RESP18: variants seen among roughly 807,000 people sequenced by gnomAD.
The protein encoded by RESP18 is regulated endocrine specific protein 18.
A neutral mutation model predicts 30.0 loss-of-function variants in RESP18; 30 were observed. That is an observed-to-expected ratio of 1.00 (90% CI 0.75 to 1.36). The LOEUF is 1.36. Ranked by LOEUF, RESP18 falls within the 40% of genes most tolerant of loss-of-function variation. The probability of loss-of-function intolerance (pLI) is 0.00; values close to 1 mark genes in which losing one functional copy is unlikely to be tolerated. For synonymous variants in RESP18, 117 were observed against 111.2 expected (o/e 1.05, Z -0.33); for missense variants, 320 against 284.2 (o/e 1.13, Z -0.91).
intron 6 of RESP18, among the ~76,000 whole-genome samples, chr2:219,328,548 G>A (rs1952796595): frequency 6.6e-6 from 1 of 152,246 alleles, no homozygotes; most frequent in Admixed American, 6.5e-5. Context: ...GGGGGAAAGA[G>A]CTGGAAATCA....
In RESP18 at chr2:219,329,170, G is replaced by A; in HGVS notation, c.548C>T (p.Pro183Leu). 6.4e-7 allele frequency: 1 copy of A among 1,551,478 alleles called. No individual in the cohort carries two copies. Among genetic ancestry groups the A allele is most frequent in the Non-Finnish European group, 8.7e-7 (1 of 1,146,800 alleles). The change falls in exon 5 of 7, where the codon CCT becomes CTT. Residue 183 changes from proline (P) to leucine (L), a missense_variant. Physicochemically the swap from Pro to Leu is moderately conservative, Grantham distance 98. Transcript: ENST00000333527. ...AAAAAGTGAGCCCCTCACCTTGACA[G>A]GGTTGGCCACCTCTTGTTTCAGGGC... is the stretch of plus-strand genomic sequence containing the variant.
In RESP18 at chr2:219,327,470, G is replaced by A. The variant is rs1418027806; in HGVS notation, c.*47C>T. On this transcript the variant is annotated 3_prime_UTR_variant, in exon 7 of 7. Transcript: ENST00000333527. The stretch of plus-strand genomic sequence containing the variant: ...CATCCAAGAACTGCTCCTCTGAAGG[G>A]CAATGGGAAGGGTGCTGGGGCAGGG... The A allele has an allele frequency of 4.0e-6, 6 of 1,512,342 alleles. No individual in the cohort carries two copies. Among genetic ancestry groups the A allele is most frequent in the Non-Finnish European group, 5.4e-6 (6 of 1,111,360 alleles). 93.7% of individuals were successfully genotyped at this position (1,512,342 alleles called of 1,614,324 possible).
intron 1 of RESP18, chr2:219,333,143 C>T: frequency 6.7e-7 from 1 of 1,500,322 alleles, no homozygotes; most frequent in East Asian, 2.5e-5. Context: ...TTATATATGG[C>T]ACATCCATCC....
intron 2 of RESP18, chr2:219,331,283 G>A (rs6710951): frequency 0.42 from 67,498 of 159,064 alleles, 19,755 homozygotes; most frequent in African/African-American, 0.84. Context: ...CATTAGAAAA[G>A]GTATTGGTTT....
In RESP18 at chr2:219,327,541, G is replaced by A; in HGVS notation, c.663C>T (p.Tyr221=). 1 of 1,551,672 alleles carries A rather than the reference G, an allele frequency of 6.4e-7. No individual in the cohort carries two copies. ...ATCAGCCACAGGGTTGCGGCCCACA[G>A]TAGGAAGTGGCCCAGAGAAGCCCTA... The change falls in exon 7 of 7, where the codon TAC becomes TAT. Residue 221 remains tyrosine (Y), a synonymous_variant. Transcript: ENST00000333527.
At chr2:219,330,723 C>T in intron 3 of RESP18, 48 bp downstream of exon 2, 2 of 1,231,208 alleles carry the variant, frequency 1.6e-6, no homozygotes, top group South Asian at 1.4e-5. Flanking sequence ...CTTCCCCCCT[C>T]CCCATCTCTA....
chr2:219,328,261 G>A (rs1952793262), intron 6 of RESP18, among the ~76,000 whole-genome samples: 1 of 152,206 alleles, frequency 6.6e-6, no homozygotes, highest in Non-Finnish European at 1.5e-5. Flanking sequence ...GAGCCCCTGT[G>A]TGGTCAGTCC....
chr2:219,332,508 C>T lies in RESP18; in HGVS notation c.232+16G>A. 6.5e-7 allele frequency: 1 copy of T among 1,546,742 alleles called. No homozygotes were observed. The highest frequency in any genetic ancestry group is 8.7e-7 in the Non-Finnish European group (1 of 1,144,114). ...CTTTCTTGGCCCTGCCCGCACCCCC[C>T]AGGGTTCCTCCTGACCGTGGGCACT... is the stretch of plus-strand genomic sequence containing the variant. On this transcript the variant is annotated intron_variant, in intron 2 of 6. Transcript: ENST00000333527.
intron 6 of RESP18, among the ~76,000 whole-genome samples, chr2:219,328,441 A>G (rs1323985967): frequency 3.2e-5 from 2 of 62,286 alleles, no homozygotes; most frequent in Admixed American, 1.4e-4. Flanking sequence ...TCTTAGTCCA[A>G]AAAAAAAAAA....
intron 3 of RESP18, among the ~76,000 whole-genome samples, chr2:219,330,511 T>C (rs1028581609): frequency 1.3e-5 from 2 of 149,954 alleles, no homozygotes; most frequent in African/African-American, 5.0e-5. Flanking sequence ...CTCAAGGAGT[T>C]GGATGCTGGC....
intron 2 of RESP18, 104 bp from the exon 2 acceptor site, chr2:219,330,979 C>G (rs1952824939): frequency 4.3e-6 from 3 of 701,544 alleles, no homozygotes; most frequent in Non-Finnish European, 7.7e-6. Flanking sequence ...GACCCCTGAC[C>G]TCTGTTCCCA....
At chr2:219,330,528 C>T (rs1422681030) in intron 3 of RESP18, among the ~76,000 whole-genome samples, 1 of 138,974 alleles carries the variant, frequency 7.2e-6, no homozygotes, top group East Asian at 2.0e-4. Flanking sequence ...TGGCCGTTTT[C>T]AGTTTTGTTT....
rs1341911884 is a variant in RESP18, at chr2:219,332,821, C to T, written c.18-83G>A. On this transcript the variant is annotated intron_variant, in intron 1 of 6. Transcript: ENST00000333527. ...GCCTCCCCAGCTCCTTCCCCTACCGCCTCCCCACCCTCATCTCTTGGAATT... is the reference window on the plus strand; with the variant it reads ...GCCTCCCCAGCTCCTTCCCCTACCGTCTCCCCACCCTCATCTCTTGGAATT... 21 of 1,075,316 alleles carry T rather than the reference C, an allele frequency of 2.0e-5. 1 individual carries two copies. The highest frequency in any genetic ancestry group is 5.5e-5 in the Admixed American group (2 of 36,354). 66.6% of individuals were successfully genotyped at this position (1,075,316 alleles called of 1,614,324 possible).
chr2:219,332,855 G>T, intron 1 of RESP18, 111 bp from the exon 1 acceptor site: 1 of 869,968 alleles, frequency 1.1e-6, no homozygotes, highest in Non-Finnish European at 1.7e-6. Context: ...TTCCTGACCC[G>T]GCTCCTTTCG....
intron 2 of RESP18, 142 bp downstream of exon 1, chr2:219,332,382 C>T (rs1448766392): frequency 3.1e-6 from 2 of 653,728 alleles, no homozygotes; most frequent in South Asian, 1.9e-5. Context: ...TTCCGCTAGA[C>T]GCTGTCTACC....
Position 219,332,527 on chromosome 2 carries a change from G to A in RESP18, c.229C>T (p.His77Tyr). ...ACCCCCCAGGGTTCCTCCTGACCGT[G>A]GGCACTAGTGTCGCTGCAGCCCCCC... Residue 77 changes from histidine to tyrosine, a missense_variant, in exon 2 of 7, where the codon CAC (histidine) becomes TAC (tyrosine). His to Tyr is a moderately conservative substitution (Grantham distance 83). Transcript: ENST00000333527. 1 of 1,550,200 alleles carries A rather than the reference G, an allele frequency of 6.5e-7. No homozygotes were observed. The highest frequency in any genetic ancestry group is 8.7e-7 in the Non-Finnish European group (1 of 1,146,540).
At chr2:219,327,641 A>T in intron 6 of RESP18, 78 bp from the exon 6 acceptor site, 1 of 1,212,754 alleles carries the variant, frequency 8.2e-7, no homozygotes, top group Non-Finnish European at 1.2e-6. Flanking sequence ...TCCTTCCACA[A>T]ATACTGTAGT....
intron 1 of RESP18, among the ~76,000 whole-genome samples, 156 bp from the exon 1 acceptor site, chr2:219,332,900 C>T (rs1366589145): frequency 6.6e-6 from 1 of 152,156 alleles, no homozygotes; most frequent in Non-Finnish European, 1.5e-5. Flanking sequence ...ACCGCCTGTA[C>T]TCCCAGTCCT....
intron 1 of RESP18, chr2:219,333,013 C>A: frequency 1.3e-6 from 1 of 791,908 alleles, no homozygotes; most frequent in Non-Finnish European, 1.9e-6. Flanking sequence ...AGTAGGCACT[C>A]AAGGAATTTA....
Sources: gnomAD v4.1 joint callset for allele counts (sites outside exome capture counted in the v4.1 genomes callset) on GRCh38, gnomAD v4.1.1 for gene constraint, MANE v1.5 for transcripts, NCBI Gene and HGNC (gene_info 2026-07-23, HGNC 2026-07-21) for gene names.